DLX6: variants seen among roughly 807,000 people sequenced by gnomAD.
The protein encoded by DLX6 is distal-less homeobox 6.
DLX6 carries 4 observed loss-of-function variants against 33.5 expected under a neutral mutation model. That is an observed-to-expected ratio of 0.12 (90% CI 0.06 to 0.27). The LOEUF (loss-of-function observed/expected upper bound fraction) is 0.27. DLX6 is among the 10% of genes least tolerant of loss of function. The pLI, the probability that DLX6 is intolerant of heterozygous loss-of-function variation, is 1.00. For synonymous variants in DLX6, 184 were observed against 164.8 expected (o/e 1.12, Z -0.89); for missense variants, 382 against 393.3 (o/e 0.97, Z 0.24).
chr7:97,006,424 G>T lies in DLX6; in HGVS notation c.436+11G>T, dbSNP rs752982892. On this transcript the variant is annotated intron_variant, in intron 1 of 2. Transcript: ENST00000518156. ...GAGGGGACGACACAGGTGAGAGGCC[G>T]CTGGGGCAGCTCGCTTCTCCCGCCT... 2 of 1,314,456 alleles carry T rather than the reference G, an allele frequency of 1.5e-6. No homozygotes were observed. The highest frequency in any genetic ancestry group is 6.2e-5 in the East Asian group (2 of 32,278). The allele number at this position is 1,314,456 out of a possible 1,614,324, so 81.4% of individuals were successfully genotyped here.
At chr7:97,006,512 C>T (rs2115867726) in intron 1 of DLX6, 99 bp downstream of exon 1, 1 of 1,199,478 alleles carries the variant, frequency 8.3e-7, no homozygotes, top group Non-Finnish European at 1.0e-6. Flanking sequence ...CCGCCGGCCC[C>T]CTCCCCCAGG....
At chr7:97,008,046 C>G (rs1789775702) in intron 2 of DLX6, among the ~76,000 whole-genome samples, 2 of 152,188 alleles carry the variant, frequency 1.3e-5, no homozygotes, top group Admixed American at 6.5e-5. Context: ...CACATCCTCC[C>G]AACCCTCGGC....
Position 97,010,203 on chromosome 7 carries a change from TCTCTCC to T in DLX6, c.*163_*168del, listed in dbSNP as rs1789818017. 2.7e-6 allele frequency: 2 copies of T among 737,440 alleles called. No homozygotes were observed. Among genetic ancestry groups the T allele is most frequent in the Non-Finnish European group, 4.2e-6 (2 of 474,670 alleles). The allele number at this position is 737,440 out of a possible 1,614,324, so 45.7% of individuals were successfully genotyped here. ...GGCTCATTCTCTCTCCCTCTCTCTC[TCTCTCC>T]CTCTCCTTTCTTTTTACTTCTTCCT... On this transcript the variant is annotated 3_prime_UTR_variant, in exon 3 of 3. Transcript: ENST00000518156.
rs757114145 is a variant in DLX6 at position 97,009,908 on chromosome 7, C to T, written c.743C>T (p.Ser248Leu). The T allele has an allele frequency of 1.2e-5, 20 of 1,613,856 alleles. No homozygotes were observed. Among genetic ancestry groups the T allele is most frequent in the Middle Eastern group, 1.6e-4 (1 of 6,084 alleles). The change falls in exon 3 of 3, where the codon TCG becomes TTG. Residue 248 changes from serine (S) to leucine (L), a missense_variant. Physicochemically the swap from Ser to Leu is moderately radical, Grantham distance 145. Coordinates refer to ENST00000518156, the MANE Select transcript of DLX6 (RefSeq NM_005222.4). ...GGCTCGGCGGCCCTGTCGCCACGCT[C>T]GCCAGCGCTGCCTCCAGTCTGGGAC... The part of the protein sequence containing the change: ...LQGSAALSPR[S>L]PALPPVWDVS...
At chr7:97,009,688 T>C in intron 2 of DLX6, 108 bp from the exon 3 acceptor site, 1 of 1,504,142 alleles carries the variant, frequency 6.6e-7, no homozygotes, top group Non-Finnish European at 8.9e-7. Flanking sequence ...GTGGTTGTTT[T>C]TTGTTTTTTG....
At position 97,006,073 on chromosome 7, in the gene DLX6, G is replaced by C; in HGVS notation, c.96G>C (p.Gln32His). ...TCGGGCAGCAGCAGCAGCAGCAGCA[G>C]CAACAGCAGCAGCAGCAGCAGCAGC... Reference protein sequence around the residue: ...MEFGQQQQQQQQQQQQQQQQQ... With the variant: ...MEFGQQQQQQHQQQQQQQQQQ... The change falls in exon 1 of 3, where the codon CAG (glutamine) becomes CAC (histidine). Residue 32 changes from glutamine (Q) to histidine (H), a missense_variant. This residue lies in a region of DLX6 where 257 missense variants were observed against 206.9 expected (regional missense o/e 1.24). Coordinates refer to ENST00000518156, the MANE Select transcript of DLX6 (RefSeq NM_005222.4). The C allele has an allele frequency of 6.4e-7, 1 of 1,562,666 alleles. No individual in the cohort carries two copies. Among genetic ancestry groups the C allele is most frequent in the Non-Finnish European group, 8.7e-7 (1 of 1,153,046 alleles).
rs776717617 is a variant in DLX6 at position 97,009,882 on chromosome 7, G to A, written c.717G>A (p.Gln239=). ...GSNPHESDPL[Q]GSAALSPRSP... is the part of the protein sequence containing the mutation. ...ATCCTCATGAGAGCGACCCCCTCCA[G>A]GGCTCGGCGGCCCTGTCGCCACGCT... Residue 239 remains glutamine, a synonymous_variant, in exon 3 of 3, where the codon CAG becomes CAA. Coordinates refer to ENST00000518156, the MANE Select transcript of DLX6 (RefSeq NM_005222.4). 6.2e-6 allele frequency: 10 copies of A among 1,613,970 alleles called. No homozygotes were observed. The highest frequency in any genetic ancestry group is 8.5e-7 in the Non-Finnish European group (1 of 1,179,890).
rs1197303986 is a variant in DLX6 at position 97,010,017 on chromosome 7, G to C, written c.852G>C (p.Gln284His). 9.4e-6 allele frequency: 15 copies of C among 1,602,196 alleles called. No individual in the cohort carries two copies. The highest frequency in any genetic ancestry group is 4.5e-5 in the East Asian group (2 of 44,352). The change falls in exon 3 of 3, where the codon CAG becomes CAC. Residue 284 changes from glutamine (Q) to histidine (H), a missense_variant. Physicochemically the swap from Gln to His is conservative, Grantham distance 24. This residue lies in a region of DLX6 where 96 missense variants were observed against 93.3 expected (regional missense o/e 1.03). Transcript: ENST00000518156. ...GYSHWYSSPH[Q>H]DTMQRPQMM ...CTCACTGGTACTCCTCTCCACACCA[G>C]GACACGATGCAGAGACCACAGATGA...
At position 97,006,225 on chromosome 7, in the gene DLX6, C is replaced by T. The variant is rs763769620; in HGVS notation, c.248C>T (p.Ala83Val). 26 of 1,512,530 alleles carry T rather than the reference C, an allele frequency of 1.7e-5. No homozygotes were observed. The highest frequency in any genetic ancestry group is 7.1e-5 in the African/African-American group (5 of 70,252). The allele number at this position is 1,512,530 out of a possible 1,614,324, so 93.7% of individuals were successfully genotyped here. Residue 83 changes from alanine to valine, a missense_variant, in exon 1 of 3, where the codon GCC (alanine) becomes GTC (valine). Physicochemically the swap from Ala to Val is moderately conservative, Grantham distance 64. Around this residue, in one of 4 missense-constraint regions of DLX6, gnomAD observed 257 missense variants for 206.9 expected, o/e 1.24. Coordinates refer to ENST00000518156, the MANE Select transcript of DLX6 (RefSeq NM_005222.4). ...CLHSAAAAAA[A>V]GSHHHHHHQH... The stretch of plus-strand genomic sequence containing the variant: ...CACTCGGCGGCGGCGGCGGCAGCGG[C>T]CGGCTCGCACCACCACCACCACCAC...
Position 97,010,056 on chromosome 7 carries a change from A to G in DLX6, c.*9A>G, listed in dbSNP as rs3213654. ...GACCACAGATGATGTGAGTTGCCCAAGGGAACACCCTAGGGAAACGTCTGA... is the reference window on the plus strand; with the variant it reads ...GACCACAGATGATGTGAGTTGCCCAGGGGAACACCCTAGGGAAACGTCTGA... On this transcript the variant is annotated 3_prime_UTR_variant, in exon 3 of 3. Coordinates refer to ENST00000518156, the MANE Select transcript of DLX6 (RefSeq NM_005222.4). 0.015 allele frequency: 23,310 copies of G among 1,581,382 alleles called. 1,187 individuals carry two copies. Among genetic ancestry groups the G allele is most frequent in the East Asian group, 0.14 (6,164 of 43,006 alleles).
chr7:97,010,024 A>C lies in DLX6; in HGVS notation c.859A>C (p.Met287Leu). 1.9e-6 allele frequency: 3 copies of C among 1,599,422 alleles called. No individual in the cohort carries two copies. Among genetic ancestry groups the C allele is most frequent in the Non-Finnish European group, 2.6e-6 (3 of 1,172,650 alleles). ...GTACTCCTCTCCACACCAGGACACG[A>C]TGCAGAGACCACAGATGATGTGAGT... ...HWYSSPHQDT[M>L]QRPQMM Residue 287 changes from methionine to leucine, a missense_variant, in exon 3 of 3, where the codon ATG (methionine) becomes CTG (leucine). Physicochemically the swap from Met to Leu is conservative, Grantham distance 15 (BLOSUM62 2). Coordinates refer to ENST00000518156, the MANE Select transcript of DLX6 (RefSeq NM_005222.4).
At chr7:97,009,699 T>TTTTTTTGC in intron 2 of DLX6, 97 bp from the exon 3 acceptor site, 1 of 1,522,656 alleles carries the variant, frequency 6.6e-7, no homozygotes, top group East Asian at 2.3e-5. Context: ...TTGTTTTTTG[T>TTTTTTTGC]TTTTTTGCTT....
Position 97,006,140 on chromosome 7 carries a change from C to CCGCACT in DLX6, c.168_173dup (p.His56_Ser57dup). The CCGCACT allele has an allele frequency of 6.5e-7, 1 of 1,543,424 alleles. No individual in the cohort carries two copies. Among genetic ancestry groups the CCGCACT allele is most frequent in the East Asian group, 2.5e-5 (1 of 40,718 alleles). ...GCCGCCGCCGCCGCCGCCGCCGCAG[C>CCGCACT]CGCACTCGCAGCAGAGCTCCCCGGC... On this transcript the variant is annotated inframe_insertion, in exon 1 of 3. Coordinates refer to ENST00000518156, the MANE Select transcript of DLX6 (RefSeq NM_005222.4).
intron 2 of DLX6, 103 bp from the exon 3 acceptor site, chr7:97,009,693 T>G: frequency 6.6e-7 from 1 of 1,515,268 alleles, no homozygotes. Context: ...TGTTTTTTGT[T>G]TTTTGTTTTT....
intron 2 of DLX6, among the ~76,000 whole-genome samples, chr7:97,008,530 A>T (rs1177174810): frequency 1.3e-5 from 2 of 152,222 alleles, no homozygotes; most frequent in African/African-American, 4.8e-5. Flanking sequence ...ACAGTTAAGT[A>T]CAGTTACTGA....
chr7:97,006,306 A>G lies in DLX6; in HGVS notation c.329A>G (p.His110Arg). The G allele has an allele frequency of 6.6e-7, 1 of 1,522,428 alleles. No homozygotes were observed. Among genetic ancestry groups the G allele is most frequent in the Non-Finnish European group, 8.8e-7 (1 of 1,132,426 alleles). The allele number at this position is 1,522,428 out of a possible 1,614,324, so 94.3% of individuals were successfully genotyped here. The part of the protein sequence containing the change: ...YASGGGNSYN[H>R]RSLAAYPYMS... ...TCGGGCGGAGGGAACTCCTACAACCACCGCTCGCTCGCCGCCTACCCCTAC... is the reference window on the plus strand; with the variant it reads ...TCGGGCGGAGGGAACTCCTACAACCGCCGCTCGCTCGCCGCCTACCCCTAC... Residue 110 changes from histidine to arginine, a missense_variant, in exon 1 of 3, where the codon CAC becomes CGC. This residue lies in a region of DLX6 where 257 missense variants were observed against 206.9 expected (regional missense o/e 1.24). Transcript: ENST00000518156.
At chr7:97,009,274 C>G (rs1032276902) in intron 2 of DLX6, among the ~76,000 whole-genome samples, 3 of 152,186 alleles carry the variant, frequency 2.0e-5, no homozygotes, top group Non-Finnish European at 2.9e-5. Context: ...GCTTTAATTC[C>G]TTCAGTCATT....
In DLX6 at chr7:97,005,867, TGCAAGG is replaced by T; in HGVS notation, c.-110_-105del. On this transcript the variant is annotated 5_prime_UTR_variant, in exon 1 of 3. Transcript: ENST00000518156. ...TCTTTTTTTTTTTTTTTTTTTTTTT[TGCAAGG>T]ATCCAAAGAGCTAAGGTGGCTGCAG... is the stretch of plus-strand genomic sequence containing the variant. The T allele has an allele frequency of 4.0e-6, 1 of 252,440 alleles. No homozygotes were observed. The highest frequency in any genetic ancestry group is 6.5e-6 in the Non-Finnish European group (1 of 153,176). 15.6% of individuals were successfully genotyped at this position (252,440 alleles called of 1,614,324 possible).
At chr7:97,007,478 A>G (rs1241896937) in intron 1 of DLX6, 160 bp from the exon 2 acceptor site, 1 of 709,134 alleles carries the variant, frequency 1.4e-6, no homozygotes, top group African/African-American at 1.8e-5. Flanking sequence ...CGCTGGGAGC[A>G]CACGGGCAGA....
Sources: allele counts gnomAD v4.1 joint callset (sites outside exome capture counted in the v4.1 genomes callset), GRCh38; gene constraint gnomAD v4.1.1; regional missense constraint gnomAD v4.1.1; transcripts MANE v1.5; gene names NCBI Gene and HGNC (gene_info 2026-07-23, HGNC 2026-07-21).